Variants in PEX5L observed in about 807,000 individuals in gnomAD.
PEX5L encodes the protein PEX5-related protein.
PEX5L carries 30 observed loss-of-function variants against 84.0 expected under a neutral mutation model. The ratio of observed to expected loss-of-function variants is 0.36; its 90% CI spans 0.27 to 0.48. PEX5L has a LOEUF of 0.48. PEX5L is among the 20% of genes least tolerant of loss of function. The pLI is 0.99. For missense variants in PEX5L, 533 were observed against 754.6 expected, an observed-to-expected ratio of 0.71 and a Z score of 3.44; for synonymous variants, 270 against 283.1, an observed-to-expected ratio of 0.95 and a Z score of 0.46.
chr3:179,890,649 T>A (rs1209555749), intron 3 of PEX5L, among the ~76,000 whole-genome samples: 1 of 152,152 alleles, frequency 6.6e-6, no homozygotes. Flanking sequence ...TTTCTTTACT[T>A]TGGATACAGT....
At chr3:180,017,259 T>C (rs1561068631) in intron 1 of PEX5L, among the ~76,000 whole-genome samples, 1 of 152,314 alleles carries the variant, frequency 6.6e-6, no homozygotes, top group East Asian at 1.9e-4. Flanking sequence ...ATATCTTTTA[T>C]GATTTTCTCT....
chr3:180,032,836 A>G lies in PEX5L; in HGVS notation c.21+3743T>C, dbSNP rs148946674. On this transcript the variant is annotated intron_variant, in intron 1 of 14. Coordinates refer to ENST00000467460, the MANE Select transcript of PEX5L (RefSeq NM_016559.3). ...GCCACTGCACTCTAGCCTGGGGGAC[A>G]GAGAAAGACCCTGTCTCAAGAATTA... Among the ~76,000 whole-genome samples the G allele has an allele frequency of 2.0e-3, 303 of 152,316 alleles. 1 individual carries two copies. The highest frequency in any genetic ancestry group is 6.7e-3 in the African/African-American group (277 of 41,556).
chr3:179,934,606 C>T (rs570533187), intron 2 of PEX5L, among the ~76,000 whole-genome samples: 2 of 152,272 alleles, frequency 1.3e-5, no homozygotes, highest in East Asian at 3.9e-4. Flanking sequence ...TTTTCAAAGT[C>T]TATACTCTCT....
intron 8 of PEX5L, among the ~76,000 whole-genome samples, chr3:179,833,022 G>T (rs1448087152): frequency 6.6e-6 from 1 of 152,208 alleles, no homozygotes; most frequent in Non-Finnish European, 1.5e-5. Context: ...GAATAGTTAT[G>T]TTTTCTTTTC....
intron 1 of PEX5L, chr3:179,973,034 A>G: frequency 5.4e-6 from 2 of 372,934 alleles, no homozygotes; most frequent in Non-Finnish European, 8.9e-6. Flanking sequence ...AGTCAAGCTG[A>G]CTTCCTTCCT....
intron 13 of PEX5L, among the ~76,000 whole-genome samples, chr3:179,808,039 TTGTC>T (rs1200360469): frequency 2.6e-5 from 4 of 152,240 alleles, no homozygotes; most frequent in Non-Finnish European, 5.9e-5. Context: ...CCATTTGATG[TTGTC>T]ATCAACAACA....
intron 1 of PEX5L, among the ~76,000 whole-genome samples, chr3:180,023,904 C>A (rs1438890597): frequency 6.6e-6 from 1 of 150,978 alleles, no homozygotes; most frequent in African/African-American, 2.5e-5. Flanking sequence ...GTAGAGGAGA[C>A]CCCCTTCAAA....
Position 179,799,375 on chromosome 3 carries a change from T to C in PEX5L, c.*2453A>G, listed in dbSNP as rs1718193673. The C allele has an allele frequency of 6.6e-6, 1 of 152,240 alleles. No individual in the cohort carries two copies. 9.4% of individuals were successfully genotyped at this position (152,240 alleles called of 1,614,324 possible). ...CTACATACACTAGAGAAAGTACTAC[T>C]AAATGCTCTGCAAATTGCCAAATAA... On this transcript the variant is annotated 3_prime_UTR_variant, in exon 15 of 15. Coordinates refer to ENST00000467460, the MANE Select transcript of PEX5L (RefSeq NM_016559.3).
intron 5 of PEX5L, among the ~76,000 whole-genome samples, chr3:179,879,197 C>T (rs1485046925): frequency 5.9e-5 from 9 of 152,224 alleles, no homozygotes; most frequent in Non-Finnish European, 1.5e-5. Flanking sequence ...ATACCTGTCA[C>T]TGTTCTTTCT....
intron 1 of PEX5L, among the ~76,000 whole-genome samples, chr3:179,976,144 G>A (rs2110302352): frequency 6.6e-6 from 1 of 152,348 alleles, no homozygotes; most frequent in East Asian, 1.9e-4. Flanking sequence ...CAAAAGGAAA[G>A]AACTCAGTAA....
At chr3:179,936,888 AG>A (rs1451357325) in intron 2 of PEX5L, among the ~76,000 whole-genome samples, 1 of 106,138 alleles carries the variant, frequency 9.4e-6, no homozygotes, top group Non-Finnish European at 2.1e-5. Flanking sequence ...TGAAAAGAAA[AG>A]TAAGAGGAAT....
At chr3:179,917,545 G>C (rs1413022736) in intron 2 of PEX5L, among the ~76,000 whole-genome samples, 1 of 152,164 alleles carries the variant, frequency 6.6e-6, no homozygotes, top group Non-Finnish European at 1.5e-5. Context: ...GTAATGCATT[G>C]AGCTATGACA....
intron 8 of PEX5L, among the ~76,000 whole-genome samples, chr3:179,833,807 T>A (rs1329155559): frequency 2.0e-5 from 3 of 152,032 alleles, no homozygotes; most frequent in East Asian, 1.9e-4. Flanking sequence ...TCTCTCTCTC[T>A]CTCACACACA....
intron 2 of PEX5L, among the ~76,000 whole-genome samples, chr3:179,935,243 A>T (rs1774260479): frequency 6.6e-6 from 1 of 152,230 alleles, no homozygotes; most frequent in African/African-American, 2.4e-5. Flanking sequence ...TCAGAATTAA[A>T]GTGTACATGC....
At chr3:180,021,527 T>C (rs955584625) in intron 1 of PEX5L, among the ~76,000 whole-genome samples, 9 of 152,200 alleles carry the variant, frequency 5.9e-5, no homozygotes, top group Non-Finnish European at 1.2e-4. Context: ...AGAAACACTA[T>C]TATAGATGAT....
chr3:179,900,554 A>T (rs909799620), intron 2 of PEX5L: 4 of 719,492 alleles, frequency 5.6e-6, no homozygotes, highest in Non-Finnish European at 9.2e-6. Context: ...ACAAAAACAA[A>T]AACAAAACAA....
intron 7 of PEX5L, among the ~76,000 whole-genome samples, chr3:179,872,998 T>C (rs562929271): frequency 6.6e-6 from 1 of 152,330 alleles, no homozygotes; most frequent in East Asian, 1.9e-4. Context: ...GTTTCCCAGC[T>C]AAGATCTGGG....
intron 4 of PEX5L, among the ~76,000 whole-genome samples, chr3:179,880,689 C>A (rs975948112): frequency 2.0e-5 from 3 of 152,198 alleles, no homozygotes; most frequent in Non-Finnish European, 4.4e-5. Context: ...CATGTTAATG[C>A]CTTTGCTGTT....
At chr3:179,868,747 C>T (rs1395635690) in intron 7 of PEX5L, among the ~76,000 whole-genome samples, 2 of 152,184 alleles carry the variant, frequency 1.3e-5, no homozygotes, top group African/African-American at 2.4e-5. Context: ...TATGATAAGG[C>T]CCCCTTTGCT....
Sources: allele counts gnomAD v4.1 joint callset (sites outside exome capture counted in the v4.1 genomes callset), GRCh38; gene constraint gnomAD v4.1.1; transcripts MANE v1.5; gene names NCBI Gene and HGNC (gene_info 2026-07-23, HGNC 2026-07-21).